Variants in USP24 observed in about 807,000 individuals in gnomAD.
USP24 encodes the protein ubiquitin specific peptidase 24.
Under a neutral mutation model 361.6 loss-of-function variants are expected in USP24, and 97 were observed. The ratio of observed to expected loss-of-function variants is 0.27; its 90% CI spans 0.23 to 0.32. The LOEUF (loss-of-function observed/expected upper bound fraction) is 0.32, where lower values mean the gene tolerates loss of function less well. Ranked by LOEUF, USP24 falls within the 10% of genes least tolerant of loss-of-function variation. The probability of loss-of-function intolerance (pLI) is 1.00; values close to 1 mark genes in which losing one functional copy is unlikely to be tolerated. For synonymous variants in USP24, 1,098 were observed against 1,124.6 expected (o/e 0.98, Z 0.47); for missense variants, 2,353 against 3,165.6 (o/e 0.74, Z 6.16).
At position 55,071,996 on chromosome 1, in the gene USP24, CT is replaced by C. The variant is rs1644930772; in HGVS notation, c.7690-73del. Reference sequence around the variant, plus strand: ...TGGCAGCAGCAACCGCCAGGGAAGACTACCTTTCATCTGACCTTCAGTGGGA... The same window carrying C: ...TGGCAGCAGCAACCGCCAGGGAAGACACCTTTCATCTGACCTTCAGTGGGA... On this transcript the variant is annotated intron_variant, in intron 66 of 67. Coordinates refer to ENST00000294383, the MANE Select transcript of USP24 (RefSeq NM_015306.3). 5.2e-6 allele frequency: 7 copies of C among 1,337,546 alleles called. No homozygotes were observed. The East Asian group carries it at 1.7e-4, about 33-fold the overall frequency. The allele number at this position is 1,337,546 out of a possible 1,614,324, so 82.9% of individuals were successfully genotyped here. A position where few individuals can be genotyped will look rare whatever the true frequency, so the allele number is the denominator to read the frequency against.
At chr1:55,117,765 A>AAG (rs1646163403) in intron 38 of USP24, among the ~76,000 whole-genome samples, 1 of 150,414 alleles carries the variant, frequency 6.6e-6, no homozygotes, top group African/African-American at 2.4e-5. Context: ...AAAAAAAAAA[A>AAG]AGAAACTGTT....
Position 55,073,832 on chromosome 1 carries a change from G to T in USP24, c.7522C>A (p.Gln2508Lys). The T allele has an allele frequency of 1.3e-6, 2 of 1,570,054 alleles. No homozygotes were observed. Among genetic ancestry groups the T allele is most frequent in the South Asian group, 1.2e-5 (1 of 85,012 alleles). The change falls in exon 64 of 68, where the codon CAA (glutamine) becomes AAA (lysine). Residue 2508 changes from glutamine to lysine, a missense_variant. Physicochemically the swap from Gln to Lys is moderately conservative, Grantham distance 53 (BLOSUM62 1). Around this residue, in one of 8 missense-constraint regions of USP24, gnomAD observed 598 missense variants for 761.9 expected, o/e 0.78. Coordinates refer to ENST00000294383, the MANE Select transcript of USP24 (RefSeq NM_015306.3). Reference protein sequence around the residue: ...QCVKFLVTLAQKCPAAKEYFK... With the variant: ...QCVKFLVTLAKKCPAAKEYFK... ...GCATTTTAATTCAATACTTACTTTT[G>T]AGCAAGAGTGACAAGAAATTTGACA... is the stretch of plus-strand genomic sequence containing the variant.
In USP24 at chr1:55,072,410, T is replaced by C; in HGVS notation, c.7603-7A>G. Reference sequence around the variant, plus strand: ...TCCAGTAATGTTCTGACATCTGAGATGAAAGGTCAAAAATGCCATCAGAGG... The same window carrying C: ...TCCAGTAATGTTCTGACATCTGAGACGAAAGGTCAAAAATGCCATCAGAGG... On this transcript the variant is annotated splice_region_variant and splice_polypyrimidine_tract_variant and intron_variant, in intron 65 of 67. Transcript: ENST00000294383. The C allele has an allele frequency of 6.2e-7, 1 of 1,610,236 alleles. No homozygotes were observed. Among genetic ancestry groups the C allele is most frequent in the South Asian group, 1.1e-5 (1 of 90,050 alleles).
At chr1:55,162,369 G>T in intron 7 of USP24, 105 bp from the exon 8 acceptor site, 1 of 954,006 alleles carries the variant, frequency 1.0e-6, no homozygotes, top group African/African-American at 1.7e-5. Flanking sequence ...TAAATAGTGA[G>T]TTGATCAAGT....
intron 24 of USP24, among the ~76,000 whole-genome samples, chr1:55,140,052 A>T (rs757372594): frequency 6.6e-6 from 1 of 152,038 alleles, no homozygotes; most frequent in Non-Finnish European, 1.5e-5. Context: ...AGTTCTTTCC[A>T]AACTAGTGAA....
chr1:55,116,256 A>G (rs752887741), intron 38 of USP24, among the ~76,000 whole-genome samples: 5 of 152,166 alleles, frequency 3.3e-5, no homozygotes, highest in Non-Finnish European at 5.9e-5. Flanking sequence ...TAGAAAAAGA[A>G]GAACAAACCA....
intron 1 of USP24, among the ~76,000 whole-genome samples, chr1:55,190,830 T>C (rs552625341): frequency 6.6e-6 from 1 of 152,264 alleles, no homozygotes; most frequent in African/African-American, 2.4e-5. Flanking sequence ...CTGTACACAG[T>C]TGAAGAAGTT....
At chr1:55,085,132 T>C (rs968874480) in intron 56 of USP24, among the ~76,000 whole-genome samples, 1 of 152,238 alleles carries the variant, frequency 6.6e-6, no homozygotes, top group African/African-American at 2.4e-5. Flanking sequence ...TCAAAACCAC[T>C]GCCTTACAGT....
Position 55,077,402 on chromosome 1 carries a change from A to G in USP24, c.7315-102T>C, listed in dbSNP as rs547242269. The G allele has an allele frequency of 2.1e-4, 220 of 1,028,618 alleles. 1 individual carries two copies. The East Asian group carries it at 6.1e-3, about 28-fold the overall frequency. 63.7% of individuals were successfully genotyped at this position (1,028,618 alleles called of 1,614,324 possible). On this transcript the variant is annotated intron_variant, in intron 61 of 67. Transcript: ENST00000294383. ...TTCTAGCTCTATCACCTTCTGGCCG[A>G]CCCTGGACAAGTCAATACTGCTTTC... is the stretch of plus-strand genomic sequence containing the variant.
chr1:55,163,826 TTGAAGGTTGACTTTTCATATACG>T (rs1648545781), intron 7 of USP24, among the ~76,000 whole-genome samples: 1 of 151,874 alleles, frequency 6.6e-6, no homozygotes, highest in Admixed American at 6.6e-5. Flanking sequence ...GCATCCCAGA[TTGAAGGTTGACTTTTCATATACG>T]TGAGCTCTGC....
chr1:55,196,927 A>T (rs1370726007), intron 1 of USP24, among the ~76,000 whole-genome samples: 1 of 152,134 alleles, frequency 6.6e-6, no homozygotes, highest in Non-Finnish European at 1.5e-5. Flanking sequence ...TGTTCCTTCC[A>T]CTTAAAGCAG....
Position 55,151,997 on chromosome 1 carries a change from T to C in USP24, c.1860+1873A>G, listed in dbSNP as rs572849884. 1.1e-3 allele frequency: 1,076 copies of C among 985,664 alleles called. 2 individuals carry two copies. Among genetic ancestry groups the C allele is most frequent in the Non-Finnish European group, 1.2e-3 (1,034 of 829,872 alleles). 61.1% of individuals were successfully genotyped at this position (985,664 alleles called of 1,614,324 possible). On this transcript the variant is annotated intron_variant, in intron 16 of 67. Coordinates refer to ENST00000294383, the MANE Select transcript of USP24 (RefSeq NM_015306.3). ...CTGCCTGGCAGGAAAGGGCATAGCATAGAAAAACACCTTTAGTGGAAGTAA... is the reference window on the plus strand; with the variant it reads ...CTGCCTGGCAGGAAAGGGCATAGCACAGAAAAACACCTTTAGTGGAAGTAA...
chr1:55,145,896 T>C (rs1242737740), intron 20 of USP24, 102 bp downstream of exon 20: 2 of 792,168 alleles, frequency 2.5e-6, no homozygotes, highest in Non-Finnish European at 4.0e-6. Flanking sequence ...AGGATATTCC[T>C]AACTGTTTAG....
chr1:55,187,269 C>A lies in USP24; in HGVS notation c.325-9137G>T, dbSNP rs116623309. ...TTTAAAACAACGACAAAACACTCAACAAACTAGAAATAAAGGGGAACTTCC... is the reference window on the plus strand; with the variant it reads ...TTTAAAACAACGACAAAACACTCAAAAAACTAGAAATAAAGGGGAACTTCC... On this transcript the variant is annotated intron_variant, in intron 1 of 67. Transcript: ENST00000294383. 3.7e-4 allele frequency among the ~76,000 whole-genome samples: 57 copies of A among 152,160 alleles called. 1 individual carries two copies. Among genetic ancestry groups the A allele is most frequent in the African/African-American group, 1.3e-3 (55 of 41,544 alleles).
chr1:55,108,857 T>C (rs1645867266), intron 39 of USP24, among the ~76,000 whole-genome samples: 1 of 152,240 alleles, frequency 6.6e-6, no homozygotes, highest in African/African-American at 2.4e-5. Context: ...GACTGTTAGA[T>C]GGACATGTAG....
At position 55,171,204 on chromosome 1, in the gene USP24, T is replaced by C. The variant is rs1649409408; in HGVS notation, c.825+352A>G. ...TATGAGATTAAGTACTAGATTATTT[T>C]TTCTAGGTACAAGTAATCATTTTAA... On this transcript the variant is annotated intron_variant, in intron 5 of 67. Coordinates refer to ENST00000294383, the MANE Select transcript of USP24 (RefSeq NM_015306.3). 3.3e-5 allele frequency among the ~76,000 whole-genome samples: 5 copies of C among 152,178 alleles called. No homozygotes were observed. The South Asian group carries it at 1.0e-3, about 32-fold the overall frequency.
intron 3 of USP24, among the ~76,000 whole-genome samples, chr1:55,173,627 C>A (rs995565162): frequency 2.6e-5 from 4 of 152,162 alleles, no homozygotes; most frequent in African/African-American, 9.7e-5. Context: ...CACTGAGAAC[C>A]TCTTTAAAAA....
chr1:55,107,511 A>C, intron 39 of USP24, 81 bp from the exon 40 acceptor site: 3 of 1,402,302 alleles, frequency 2.1e-6, no homozygotes, highest in Non-Finnish European at 2.8e-6. Context: ...AAAGTAAGCA[A>C]AGTCAAGCCC....
At chr1:55,159,502 G>A (rs1648044248) in intron 9 of USP24, 109 bp downstream of exon 9, 5 of 869,530 alleles carry the variant, frequency 5.8e-6, no homozygotes, top group East Asian at 2.7e-5. Context: ...CGATGTGAAT[G>A]CATGTGACCA....
Sources: allele counts gnomAD v4.1 joint callset (sites outside exome capture counted in the v4.1 genomes callset), GRCh38; gene constraint gnomAD v4.1.1; regional missense constraint gnomAD v4.1.1; transcripts MANE v1.5; gene names NCBI Gene and HGNC (gene_info 2026-07-23, HGNC 2026-07-21).